The following ERVH48-1 variants were observed in gnomAD, a reference collection of about 807,000 sequenced individuals.
The protein encoded by ERVH48-1 is endogenous retrovirus group 48 member 1, envelope, also known as suppressyn.
In ERVH48-1, 4 loss-of-function variants were observed where a neutral mutation model predicts 2.4. The ratio of observed to expected loss-of-function variants is 1.68; its 90% CI spans 0.83 to 3.84. ERVH48-1 has a LOEUF of 3.84. ERVH48-1 is among the 30% of genes most tolerant of loss of function. The pLI, the probability that ERVH48-1 is intolerant of heterozygous loss-of-function variation, is 0.01. For missense variants in ERVH48-1, 97 were observed against 43.4 expected (o/e 2.23, Z -3.47); for synonymous variants, 32 against 15.5 (o/e 2.06, Z -2.49).
chr21:42,918,947 C>G lies in ERVH48-1; in HGVS notation c.60G>C (p.Met20Ile). ...TTAGGATCGTGGTGAGGGATATTCC[C>G]ATATTAAGACTTTTGGTTGGAAGAG... ...YTSLPTKSLN[M>I]GISLTTILIL... Residue 20 changes from methionine to isoleucine, a missense_variant, in exon 2 of 2, where the codon ATG (methionine) becomes ATC (isoleucine). Physicochemically the swap from Met to Ile is conservative, Grantham distance 10. Transcript: ENST00000447535. 1.4e-6 allele frequency: 1 copy of G among 711,288 alleles called. No homozygotes were observed. The highest frequency in any genetic ancestry group is 2.2e-6 in the Non-Finnish European group (1 of 460,538). 44.1% of individuals were successfully genotyped at this position (711,288 alleles called of 1,614,324 possible).
At chr21:42,923,127 C>T (rs1040657799) in intron 1 of ERVH48-1, among the ~76,000 whole-genome samples, 2 of 152,186 alleles carry the variant, frequency 1.3e-5, no homozygotes, top group Non-Finnish European at 1.5e-5. Flanking sequence ...CAGTGGGGTC[C>T]TCTGCAGAGG....
chr21:42,920,250 C>T (rs947173723), intron 1 of ERVH48-1, among the ~76,000 whole-genome samples: 2 of 152,120 alleles, frequency 1.3e-5, no homozygotes, highest in African/African-American at 4.8e-5. Context: ...TGGCAGTCCT[C>T]CTTTTCTTCT....
intron 1 of ERVH48-1, among the ~76,000 whole-genome samples, chr21:42,921,072 A>T (rs143683626): frequency 2.9e-3 from 443 of 152,290 alleles, no homozygotes; most frequent in African/African-American, 0.01. Context: ...GGAAGCAAGC[A>T]GCCCATCCGA....
intron 1 of ERVH48-1, among the ~76,000 whole-genome samples, chr21:42,919,776 G>A (rs1181289310): frequency 2.0e-5 from 3 of 152,228 alleles, no homozygotes; most frequent in African/African-American, 7.2e-5. Context: ...GAGAGTTTGT[G>A]TGATGATATT....
Position 42,918,832 on chromosome 21 carries a change from G to C in ERVH48-1, c.175C>G (p.Gln59Glu), listed in dbSNP as rs1185396781. Reference sequence around the variant, plus strand: ...ATATGAGTATGGTAAGTAAAGTATTGTTGCATCTCCCCTCTGTAGTGCAAA... The same window carrying C: ...ATATGAGTATGGTAAGTAAAGTATTCTTGCATCTCCCCTCTGTAGTGCAAA... ...QSLHYRGEMQ[Q>E]YFTYHTHIER... The change falls in exon 2 of 2, where the codon CAA becomes GAA. Residue 59 changes from glutamine (Q) to glutamate (E), a missense_variant. Transcript: ENST00000447535. 1 of 456,712 alleles carries C rather than the reference G, an allele frequency of 2.2e-6. No individual in the cohort carries two copies. The highest frequency in any genetic ancestry group is 2.3e-5 in the Admixed American group (1 of 42,564). The allele number at this position is 456,712 out of a possible 1,614,324, so 28.3% of individuals were successfully genotyped here.
intron 1 of ERVH48-1, among the ~76,000 whole-genome samples, chr21:42,923,048 G>T (rs951417081): frequency 2.0e-5 from 3 of 152,218 alleles, no homozygotes; most frequent in African/African-American, 7.2e-5. Context: ...CGATGAGATC[G>T]AGTAGGTTTT....
chr21:42,924,304 G>A (rs1163413042), intron 1 of ERVH48-1, among the ~76,000 whole-genome samples: 1 of 152,152 alleles, frequency 6.6e-6, no homozygotes, highest in African/African-American at 2.4e-5. Flanking sequence ...GGCAGTGCTG[G>A]CTGGGAAGAC....
At chr21:42,925,070 C>T (rs6586265) in intron 1 of ERVH48-1, among the ~76,000 whole-genome samples, 100,069 of 151,780 alleles carry the variant, frequency 0.66, 34,598 homozygotes, top group African/African-American at 0.86. Flanking sequence ...CTCAGCCTCC[C>T]GAGTAGCTGG....
At chr21:42,923,812 A>G (rs1320657220) in intron 1 of ERVH48-1, among the ~76,000 whole-genome samples, 1 of 152,170 alleles carries the variant, frequency 6.6e-6, no homozygotes, top group African/African-American at 2.4e-5. Flanking sequence ...TTCTGGGGTG[A>G]GCGTGGAAGA....
chr21:42,925,452 G>A lies in ERVH48-1; in HGVS notation c.-392C>T, dbSNP rs1041485310. 15 of 463,428 alleles carry A rather than the reference G, an allele frequency of 3.2e-5. No homozygotes were observed. Among genetic ancestry groups the A allele is most frequent in the Non-Finnish European group, 5.2e-5 (13 of 249,822 alleles). The allele number at this position is 463,428 out of a possible 1,614,324, so 28.7% of individuals were successfully genotyped here. On this transcript the variant is annotated 5_prime_UTR_variant, in exon 1 of 2. Transcript: ENST00000447535. ...GCCTGCTTTCCCAGATGGAGGGGTG[G>A]TAGGTCCACTGGGGACGTGGACGGA...
chr21:42,924,422 GGGA>G (rs974468586), intron 1 of ERVH48-1, among the ~76,000 whole-genome samples: 7 of 152,134 alleles, frequency 4.6e-5, no homozygotes, highest in Admixed American at 4.6e-4. Context: ...AGTTAGGGTC[GGGA>G]GGAGAACGGC....
intron 1 of ERVH48-1, among the ~76,000 whole-genome samples, chr21:42,923,040 A>G (rs1230762900): frequency 1.3e-5 from 2 of 152,194 alleles, no homozygotes; most frequent in East Asian, 3.9e-4. Flanking sequence ...GGCAAGGCCG[A>G]TGAGATCGAG....
At chr21:42,923,487 C>T (rs1166371035) in intron 1 of ERVH48-1, among the ~76,000 whole-genome samples, 1 of 152,116 alleles carries the variant, frequency 6.6e-6, no homozygotes, top group African/African-American at 2.4e-5. Flanking sequence ...TCCTTCTGGG[C>T]TGGCTGGGTC....
chr21:42,918,527 T>C lies in ERVH48-1; in HGVS notation c.480A>G (p.Leu160=), dbSNP rs2058795744. The C allele has an allele frequency of 2.2e-6, 1 of 454,132 alleles. No homozygotes were observed. 28.1% of individuals were successfully genotyped at this position (454,132 alleles called of 1,614,324 possible). The change falls in exon 2 of 2, where the codon CTA becomes CTG. Residue 160 remains leucine (L), a synonymous_variant. Coordinates refer to ENST00000447535, the MANE Select transcript of ERVH48-1 (RefSeq NM_001308491.2). ...PRHFHSFIQK[L] ...GCTTAGGAAGGGATGCATCTGCTTA[T>C]AGTTTTTGTATAAAGGAATGGAAAT...
Position 42,925,627 on chromosome 21 carries a change from C to A in ERVH48-1, c.-567G>T. 1 of 203,694 alleles carries A rather than the reference C, an allele frequency of 4.9e-6. No homozygotes were observed. Among genetic ancestry groups the A allele is most frequent in the Non-Finnish European group, 9.8e-6 (1 of 101,766 alleles). The allele number at this position is 203,694 out of a possible 1,614,324, so 12.6% of individuals were successfully genotyped here. On this transcript the variant is annotated 5_prime_UTR_variant, in exon 1 of 2. Coordinates refer to ENST00000447535, the MANE Select transcript of ERVH48-1 (RefSeq NM_001308491.2). ...GACAGACTGAGGCCTAGAATGGCATCAGCCCCAAGTGAGGAGGGGGCAGGG... is the reference window on the plus strand; with the variant it reads ...GACAGACTGAGGCCTAGAATGGCATAAGCCCCAAGTGAGGAGGGGGCAGGG...
rs1469625766 is a variant in ERVH48-1, at chr21:42,917,573, C to T, written c.*951G>A. On this transcript the variant is annotated 3_prime_UTR_variant, in exon 2 of 2. Transcript: ENST00000447535. ...TGTTAAACTTACCACAGCCCGCACCCTCTTCTGCTAATAAGTAGTCTAGGG... is the reference window on the plus strand; with the variant it reads ...TGTTAAACTTACCACAGCCCGCACCTTCTTCTGCTAATAAGTAGTCTAGGG... 2 of 152,186 alleles carry T rather than the reference C, an allele frequency of 1.3e-5. No homozygotes were observed. The highest frequency in any genetic ancestry group is 2.9e-5 in the Non-Finnish European group (2 of 68,040). 9.4% of individuals were successfully genotyped at this position (152,186 alleles called of 1,614,324 possible). A position where few individuals can be genotyped will look rare whatever the true frequency, so the allele number is the denominator to read the frequency against.
Position 42,919,011 on chromosome 21 carries a change from G to T in ERVH48-1, c.-5C>A. 1 of 1,226,498 alleles carries T rather than the reference G, an allele frequency of 8.2e-7. No individual in the cohort carries two copies. The highest frequency in any genetic ancestry group is 1.1e-6 in the Non-Finnish European group (1 of 938,646). The allele number at this position is 1,226,498 out of a possible 1,614,324, so 76.0% of individuals were successfully genotyped here. A position where few individuals can be genotyped will look rare whatever the true frequency, so the allele number is the denominator to read the frequency against. On this transcript the variant is annotated 5_prime_UTR_variant, in exon 2 of 2. Transcript: ENST00000447535. ...GGTTGGGTAGATACAGGCCATTCCT[G>T]GAAGCACGTGGTTAGTCTTCCTTGT...
Position 42,919,222 on chromosome 21 carries a change from G to T in ERVH48-1, c.-216C>A. The T allele has an allele frequency of 2.5e-6, 1 of 396,594 alleles. No individual in the cohort carries two copies. The highest frequency in any genetic ancestry group is 4.4e-6 in the Non-Finnish European group (1 of 226,756). 24.6% of individuals were successfully genotyped at this position (396,594 alleles called of 1,614,324 possible). ...TGCAGTTGGTGTGCTGAGTATCACA[G>T]TGTAGGGGCCTGTCCACTTCGGTGG... On this transcript the variant is annotated 5_prime_UTR_variant, in exon 2 of 2. It adds an upstream start codon to the 5' untranslated region. Transcript: ENST00000447535.
In ERVH48-1 at chr21:42,919,134, T is replaced by G; in HGVS notation, c.-128A>C. The G allele has an allele frequency of 8.7e-7, 1 of 1,153,096 alleles. No individual in the cohort carries two copies. The allele number at this position is 1,153,096 out of a possible 1,614,324, so 71.4% of individuals were successfully genotyped here. On this transcript the variant is annotated 5_prime_UTR_variant, in exon 2 of 2. Coordinates refer to ENST00000447535, the MANE Select transcript of ERVH48-1 (RefSeq NM_001308491.2). ...CTGTTAATGTTTTGGAGGAAGAAGC[T>G]GCCTTGGGGGTGAGCTTGACCCTGG...
Sources: gnomAD v4.1 joint callset for allele counts (sites outside exome capture counted in the v4.1 genomes callset) on GRCh38, gnomAD v4.1.1 for gene constraint, MANE v1.5 for transcripts, NCBI Gene and HGNC (gene_info 2026-07-23, HGNC 2026-07-21) for gene names.